The following CSMD2 variants were observed in gnomAD, a reference collection of about 807,000 sequenced individuals.
The protein encoded by CSMD2 is CUB and Sushi multiple domains 2.
In CSMD2, 130 loss-of-function variants were observed where a neutral mutation model predicts 398.5. The ratio of observed to expected loss-of-function variants is 0.33; its 90% CI spans 0.28 to 0.38. The LOEUF is 0.38. CSMD2 is among the 10% of genes least tolerant of loss of function. The pLI, the probability that CSMD2 is intolerant of heterozygous loss-of-function variation, is 1.00. For missense variants in CSMD2, 3,829 were observed against 4,764.9 expected, an observed-to-expected ratio of 0.80 and a Z score of 5.78; for synonymous variants, 1,828 against 1,908.5, an observed-to-expected ratio of 0.96 and a Z score of 1.10.
intron 60 of CSMD2, among the ~76,000 whole-genome samples, chr1:33,539,382 A>T (rs761894766): frequency 6.6e-6 from 1 of 152,254 alleles, no homozygotes; most frequent in Non-Finnish European, 1.5e-5. Flanking sequence ...TCTACAAGGA[A>T]ATTCTTTAAA....
chr1:33,813,053 C>G, intron 9 of CSMD2: 1 of 152,226 alleles, frequency 6.6e-6, no homozygotes, highest in East Asian at 1.9e-4. Flanking sequence ...CCTTACAAAG[C>G]TCCACCAGCA....
At chr1:33,819,598 G>C (rs926658140) in intron 9 of CSMD2, 115 bp downstream of exon 9, 29 of 862,636 alleles carry the variant, frequency 3.4e-5, no homozygotes, top group African/African-American at 5.1e-5. Context: ...GGGAGTGAGG[G>C]GGGAGGGGAG....
Position 33,571,553 on chromosome 1 carries a change from C to T in CSMD2, c.7936G>A (p.Asp2646Asn), listed in dbSNP as rs1163127634. Residue 2646 changes from aspartate (D) to asparagine (N), a missense_variant, in exon 51 of 71, where the codon GAC (aspartate) becomes AAC (asparagine). Asp to Asn is a conservative substitution (Grantham distance 23, BLOSUM62 1). This residue lies in a region of CSMD2 where 723 missense variants were observed against 758.6 expected (regional missense o/e 0.95). Transcript: ENST00000373381. Reference sequence around the variant, plus strand: ...TTACTTCGGCAGGTGGGCGTAGAGTCCCCGAGGCTCCATTTGCCATTGGCC... The same window carrying T: ...TTACTTCGGCAGGTGGGCGTAGAGTTCCCGAGGCTCCATTTGCCATTGGCC... ...CQANGKWSLG[D>N]STPTCRIISC... 1 of 1,517,084 alleles carries T rather than the reference C, an allele frequency of 6.6e-7. No homozygotes were observed. The highest frequency in any genetic ancestry group is 2.4e-5 in the East Asian group (1 of 42,512). The allele number at this position is 1,517,084 out of a possible 1,614,324, so 94.0% of individuals were successfully genotyped here. A position where few individuals can be genotyped will look rare whatever the true frequency, so the allele number is the denominator to read the frequency against.
chr1:34,037,412 A>C (rs1323062548), intron 2 of CSMD2, among the ~76,000 whole-genome samples: 1 of 152,138 alleles, frequency 6.6e-6, no homozygotes, highest in Non-Finnish European at 1.5e-5. Flanking sequence ...TTGCCCATGC[A>C]CCAGTTGCCC....
At chr1:33,641,724 C>G (rs758948596) in intron 29 of CSMD2, among the ~76,000 whole-genome samples, 12 of 152,146 alleles carry the variant, frequency 7.9e-5, no homozygotes, top group Non-Finnish European at 1.8e-4. Flanking sequence ...AAAAACCCAC[C>G]CCTCTTTGCC....
At chr1:34,081,511 C>A (rs145410650) in intron 2 of CSMD2, among the ~76,000 whole-genome samples, 2 of 152,160 alleles carry the variant, frequency 1.3e-5, no homozygotes, top group African/African-American at 4.8e-5. Context: ...CTCACTGCAA[C>A]CTCCCTGCCT....
rs1646718274 is a variant in CSMD2, at chr1:33,996,131, A to T, written c.517+36463T>A. Among the ~76,000 whole-genome samples the T allele has an allele frequency of 3.9e-5, 6 of 152,240 alleles. No homozygotes were observed. The South Asian group carries it at 1.2e-3, about 32-fold the overall frequency. On this transcript the variant is annotated intron_variant, in intron 3 of 70. Transcript: ENST00000373381. ...AATGGGCAAAGGATATGGACAGAAA[A>T]TTCACAGCAAAGGAAATATAAATGG... is the stretch of plus-strand genomic sequence containing the variant.
At chr1:33,763,148 A>C (rs1232004591) in intron 13 of CSMD2, among the ~76,000 whole-genome samples, 2 of 152,178 alleles carry the variant, frequency 1.3e-5, no homozygotes, top group Admixed American at 1.3e-4. Flanking sequence ...GCTAGGAAAA[A>C]AGTCTCTTGG....
intron 60 of CSMD2, among the ~76,000 whole-genome samples, chr1:33,538,060 G>A (rs910518792): frequency 1.3e-5 from 2 of 152,030 alleles, no homozygotes; most frequent in East Asian, 1.9e-4. Context: ...CATCATCATC[G>A]CTTATTGGCT....
intron 14 of CSMD2, among the ~76,000 whole-genome samples, chr1:33,740,284 C>T (rs1263251154): frequency 2.8e-5 from 2 of 71,624 alleles, no homozygotes; most frequent in Admixed American, 2.8e-4. Flanking sequence ...TAAATGTCTC[C>T]GAAGCCAGGC....
chr1:33,626,596 G>A lies in CSMD2; in HGVS notation c.5201-15C>T. On this transcript the variant is annotated splice_polypyrimidine_tract_variant and intron_variant, in intron 32 of 70. Transcript: ENST00000373381. ...CAGTGATTCTCCTGCCGAGATAAGG[G>A]GCAAGGAGGAGAGAACAGTGAGTCC... is the stretch of plus-strand genomic sequence containing the variant. 1 of 1,577,190 alleles carries A rather than the reference G, an allele frequency of 6.3e-7. No homozygotes were observed. The highest frequency in any genetic ancestry group is 8.6e-7 in the Non-Finnish European group (1 of 1,159,606).
chr1:33,556,712 G>A (rs1216398026), intron 55 of CSMD2, among the ~76,000 whole-genome samples: 1 of 152,152 alleles, frequency 6.6e-6, no homozygotes, highest in Non-Finnish European at 1.5e-5. Context: ...CACGTGTTGT[G>A]GGAGAGACCC....
chr1:33,623,540 C>T, intron 35 of CSMD2, 74 bp from the exon 36 acceptor site: 1 of 1,033,606 alleles, frequency 9.7e-7, no homozygotes, highest in Non-Finnish European at 1.5e-6. Context: ...TCCCTTTCTG[C>T]CCTTCCCGTA....
chr1:33,896,149 T>C (rs1400057376), intron 5 of CSMD2, among the ~76,000 whole-genome samples: 2 of 152,250 alleles, frequency 1.3e-5, no homozygotes, highest in East Asian at 1.9e-4. Flanking sequence ...ATTTTGATGA[T>C]GAATTCATGC....
chr1:33,971,975 A>C (rs918999385), intron 3 of CSMD2, among the ~76,000 whole-genome samples: 1 of 152,168 alleles, frequency 6.6e-6, no homozygotes, highest in Non-Finnish European at 1.5e-5. Context: ...TATTTCCATC[A>C]CTGGTACTCC....
intron 7 of CSMD2, among the ~76,000 whole-genome samples, chr1:33,822,736 G>A (rs987968737): frequency 6.6e-6 from 1 of 152,140 alleles, no homozygotes. Flanking sequence ...GAGATAACTA[G>A]GGGGTCCTCT....
intron 10 of CSMD2, 107 bp downstream of exon 10, chr1:33,810,636 C>T (rs543400899): frequency 3.6e-6 from 4 of 1,120,410 alleles, no homozygotes; most frequent in African/African-American, 3.2e-5. Flanking sequence ...GAACTGTCTG[C>T]AGAGAATCTA....
intron 13 of CSMD2, among the ~76,000 whole-genome samples, chr1:33,757,165 G>A (rs1186875332): frequency 1.3e-5 from 2 of 152,030 alleles, no homozygotes; most frequent in East Asian, 3.9e-4. Context: ...TGTGGGGTGG[G>A]GGGAGTGGGG....
chr1:33,525,871 AT>A (rs1176167206), intron 65 of CSMD2, among the ~76,000 whole-genome samples: 3 of 152,086 alleles, frequency 2.0e-5, no homozygotes, highest in Non-Finnish European at 4.4e-5. Context: ...TTTAGTAGAG[AT>A]GAGGTTTCAC....
Sources: allele counts gnomAD v4.1 joint callset (sites outside exome capture counted in the v4.1 genomes callset), GRCh38; gene constraint gnomAD v4.1.1; regional missense constraint gnomAD v4.1.1; transcripts MANE v1.5; gene names NCBI Gene and HGNC (gene_info 2026-07-23, HGNC 2026-07-21).